The following WNT9B variants were observed in gnomAD, a reference collection of about 807,000 sequenced individuals.
WNT9B encodes Wnt family member 9B, also known as protein Wnt-9b.
A neutral mutation model predicts 30.2 loss-of-function variants in WNT9B; 12 were observed. That is an observed-to-expected ratio of 0.40 (90% CI 0.26 to 0.64). The LOEUF is 0.64. Ranked by LOEUF, WNT9B falls within the 30% of genes least tolerant of loss-of-function variation. The probability of loss-of-function intolerance (pLI) is 0.42; values close to 1 mark genes in which losing one functional copy is unlikely to be tolerated. For synonymous variants in WNT9B, 218 were observed against 216.9 expected, an observed-to-expected ratio of 1.01 and a Z score of -0.05; for missense variants, 442 against 485.2, an observed-to-expected ratio of 0.91 and a Z score of 0.84.
chr17:46,844,305 C>CTTTTTTTTT (rs34889221), intron 1 of WNT9B, among the ~76,000 whole-genome samples: 1 of 127,418 alleles, frequency 7.8e-6, no homozygotes, highest in East Asian at 2.2e-4. Flanking sequence ...AGTTAGCCAC[C>CTTTTTTTTT]TTTTTTTTTT....
chr17:46,883,931 C>T (rs1272019222), downstream of WNT9B, among the ~76,000 whole-genome samples: 2 of 152,214 alleles, frequency 1.3e-5, no homozygotes, highest in Non-Finnish European at 2.9e-5. Flanking sequence ...TCCTCCCTGG[C>T]TCTCTTGGGC....
downstream of WNT9B, among the ~76,000 whole-genome samples, chr17:46,884,606 A>C (rs2085467114): frequency 1.3e-5 from 2 of 152,230 alleles, no homozygotes; most frequent in Admixed American, 1.3e-4. Context: ...TGTTTTGCGC[A>C]GGCTTCATAC....
At chr17:46,876,068 G>T (rs1598867438) in intron 3 of WNT9B, among the ~76,000 whole-genome samples, 177 bp from the exon 4 acceptor site, 1 of 152,230 alleles carries the variant, frequency 6.6e-6, no homozygotes, top group African/African-American at 2.4e-5. Context: ...GCTGTGTTCA[G>T]TCGCGTAAGT....
chr17:46,857,474 C>CAAAAA (rs35196121), intron 1 of WNT9B, among the ~76,000 whole-genome samples: 5 of 94,652 alleles, frequency 5.3e-5, no homozygotes, highest in African/African-American at 1.4e-4. Flanking sequence ...GACTCTGTCT[C>CAAAAA]AAAAAAAAAA....
At chr17:46,875,073 T>C in intron 2 of WNT9B, 28 bp from the exon 3 acceptor site, 1 of 1,613,276 alleles carries the variant, frequency 6.2e-7, no homozygotes, top group Middle Eastern at 1.6e-4. Context: ...CTTTCCTCCC[T>C]CCCTATGCCC....
rs1247523084 is a variant in WNT9B, at chr17:46,878,242, C to T, written c.*1524C>T. On this transcript the variant is annotated 3_prime_UTR_variant, in exon 4 of 4. Coordinates refer to ENST00000290015, the MANE Select transcript of WNT9B (RefSeq NM_003396.3). ...CCTGCCACGCCCATCTGTCAGCTTC[C>T]TTTCTCCCTAAACCTAGAGTTGCTG... Among the ~76,000 whole-genome samples the T allele has an allele frequency of 6.6e-6, 1 of 152,242 alleles. No homozygotes were observed. The highest frequency in any genetic ancestry group is 2.4e-5 in the African/African-American group (1 of 41,464).
At position 46,876,614 on chromosome 17, in the gene WNT9B, A is replaced by G. The variant is rs777170957; in HGVS notation, c.970A>G (p.Ser324Gly). 6.2e-7 allele frequency: 1 copy of G among 1,611,922 alleles called. No homozygotes were observed. Among genetic ancestry groups the G allele is most frequent in the Non-Finnish European group, 8.5e-7 (1 of 1,178,816 alleles). Residue 324 changes from serine (S) to glycine (G), a missense_variant, in exon 4 of 4, where the codon AGC becomes GGC. By Grantham distance (56) the Ser-to-Gly change is moderately conservative. Coordinates refer to ENST00000290015, the MANE Select transcript of WNT9B (RefSeq NM_003396.3). ...CTGCGGGCGGGGCTATGACACCCAG[A>G]GCCGCCTGGTGGCCTTCTCCTGCCA... ...LCCGRGYDTQ[S>G]RLVAFSCHCQ...
At chr17:46,845,128 C>G (rs550073906) in intron 1 of WNT9B, among the ~76,000 whole-genome samples, 1 of 152,158 alleles carries the variant, frequency 6.6e-6, no homozygotes, top group African/African-American at 2.4e-5. Context: ...GGATTACAGG[C>G]GTAAGCCACA....
At chr17:46,872,473 C>T (rs1312204530) in intron 1 of WNT9B, 44 bp from the exon 2 acceptor site, 3 of 1,444,948 alleles carry the variant, frequency 2.1e-6, no homozygotes, top group Admixed American at 5.1e-5. Flanking sequence ...CCCCTCACCA[C>T]CATCCCCAAG....
At chr17:46,871,477 G>A (rs914448559) in intron 1 of WNT9B, among the ~76,000 whole-genome samples, 1 of 152,100 alleles carries the variant, frequency 6.6e-6, no homozygotes, top group African/African-American at 2.4e-5. Context: ...TTCCTCATCT[G>A]GACAAAGGGG....
intron 3 of WNT9B, 68 bp from the exon 4 acceptor site, chr17:46,876,177 C>G: frequency 6.9e-7 from 1 of 1,444,636 alleles, no homozygotes; most frequent in Non-Finnish European, 9.3e-7. Flanking sequence ...GGGGTTGGTG[C>G]TCTGGGGGCA....
intron 1 of WNT9B, among the ~76,000 whole-genome samples, chr17:46,854,743 C>G (rs1027331639): frequency 1.3e-5 from 2 of 152,162 alleles, no homozygotes; most frequent in Non-Finnish European, 2.9e-5. Flanking sequence ...TCACTGCAAC[C>G]GCCACCTCCT....
chr17:46,872,505 C>T lies in WNT9B; in HGVS notation c.78-12C>T, dbSNP rs750956269. ...CAAGGCTCACCTGTCTCCCTCCTCT[C>T]GCTCTCTCTAGCCTGACCGGGCGGG... On this transcript the variant is annotated splice_polypyrimidine_tract_variant and intron_variant, in intron 1 of 3. Coordinates refer to ENST00000290015, the MANE Select transcript of WNT9B (RefSeq NM_003396.3). 1.2e-5 allele frequency: 18 copies of T among 1,476,188 alleles called. No individual in the cohort carries two copies. Among genetic ancestry groups the T allele is most frequent in the Middle Eastern group, 2.1e-4 (1 of 4,794 alleles). The allele number at this position is 1,476,188 out of a possible 1,614,324, so 91.4% of individuals were successfully genotyped here.
rs1162022157 is a variant in WNT9B at position 46,876,607 on chromosome 17, C to T, written c.963C>T (p.Asp321=). 2.5e-6 allele frequency: 4 copies of T among 1,612,200 alleles called. No individual in the cohort carries two copies. Among genetic ancestry groups the T allele is most frequent in the East Asian group, 2.2e-5 (1 of 44,858 alleles). ...GCCTGTGCTGCGGGCGGGGCTATGA[C>T]ACCCAGAGCCGCCTGGTGGCCTTCT... The part of the protein sequence containing the change: ...CSSLCCGRGY[D]TQSRLVAFSC... Residue 321 remains aspartate (D), a synonymous_variant, in exon 4 of 4, where the codon GAC becomes GAT. Coordinates refer to ENST00000290015, the MANE Select transcript of WNT9B (RefSeq NM_003396.3).
chr17:46,874,845 TG>T, intron 2 of WNT9B: 1 of 609,980 alleles, frequency 1.6e-6, no homozygotes, highest in Non-Finnish European at 2.9e-6. Context: ...CCTAAAGTGC[TG>T]GGATTAGGGG....
intron 1 of WNT9B, among the ~76,000 whole-genome samples, chr17:46,865,241 A>G (rs2085112426): frequency 6.6e-6 from 1 of 152,100 alleles, no homozygotes; most frequent in Non-Finnish European, 1.5e-5. Context: ...TTGAGATGCA[A>G]AGCATGCTTG....
chr17:46,857,791 G>A (rs1017502508), intron 1 of WNT9B, among the ~76,000 whole-genome samples: 1 of 152,116 alleles, frequency 6.6e-6, no homozygotes, highest in Non-Finnish European at 1.5e-5. Flanking sequence ...ATCTCATTGT[G>A]GTTTTAATTT....
downstream of WNT9B, among the ~76,000 whole-genome samples, chr17:46,880,923 G>T (rs946439377): frequency 1.3e-5 from 2 of 152,204 alleles, no homozygotes; most frequent in Admixed American, 1.3e-4. Flanking sequence ...ATGGCTCAGG[G>T]TGGGGCGGGA....
upstream of WNT9B, among the ~76,000 whole-genome samples, chr17:46,851,381 C>A (rs2084841165): frequency 1.3e-5 from 2 of 150,938 alleles, no homozygotes; most frequent in South Asian, 4.2e-4. The surrounding 1 kb of genome is among the most constrained non-coding windows in gnomAD (Gnocchi z 4.3). Flanking sequence ...TCACCTGGGG[C>A]CGGAGGGCGG....
Sources: allele counts gnomAD v4.1 joint callset (sites outside exome capture counted in the v4.1 genomes callset), GRCh38; gene constraint gnomAD v4.1.1; non-coding constraint Gnocchi (gnomAD v3.1); transcripts MANE v1.5; gene names NCBI Gene and HGNC (gene_info 2026-07-23, HGNC 2026-07-21).